ZNF709: variants seen among roughly 807,000 people sequenced by gnomAD.
The protein encoded by ZNF709 is zinc finger protein 709.
Under a neutral mutation model 10.6 loss-of-function variants are expected in ZNF709, and 15 were observed. The observed-to-expected ratio is 1.41, with a 90% CI of 0.95 to 2.18. ZNF709 has a LOEUF of 2.18. ZNF709 is among the 30% of genes most tolerant of loss of function. The pLI, the probability that ZNF709 is intolerant of heterozygous loss-of-function variation, is 0.00. For synonymous variants in ZNF709, 194 were observed against 238.8 expected, an observed-to-expected ratio of 0.81 and a Z score of 1.73; for missense variants, 589 against 774.0, an observed-to-expected ratio of 0.76 and a Z score of 2.84.
intron 1 of ZNF709, among the ~76,000 whole-genome samples, chr19:12,472,054 T>C (rs1457135843): frequency 6.6e-6 from 1 of 152,196 alleles, no homozygotes; most frequent in Non-Finnish European, 1.5e-5. Context: ...TCAGGCATGA[T>C]GGCTCACACT....
chr19:12,474,745 G>A (rs553842901), intron 1 of ZNF709, among the ~76,000 whole-genome samples: 64 of 152,206 alleles, frequency 4.2e-4, no homozygotes, highest in Non-Finnish European at 7.6e-4. Context: ...AAGAGAGTGG[G>A]ACAATACATT....
rs1440510363 is a variant in ZNF709, at chr19:12,465,578, G to T, written c.344C>A (p.Ser115Ter). The T allele has an allele frequency of 6.2e-7, 1 of 1,613,842 alleles. No individual in the cohort carries two copies. The highest frequency in any genetic ancestry group is 8.5e-7 in the Non-Finnish European group (1 of 1,179,964). ...SVCGKDYMCH[S>*]SLNRHMRSHT... is the part of the protein sequence containing the mutation. Reference sequence around the variant, plus strand: ...AGATCTCATGTGCCTATTAAGAGATGAATGACACATATAGTCCTTTCCACA... The same window carrying T: ...AGATCTCATGTGCCTATTAAGAGATTAATGACACATATAGTCCTTTCCACA... The change falls in exon 4 of 4, where the codon TCA becomes TAA. Residue 115 changes from serine (S) to a stop codon, truncating the protein, a stop_gained. Transcript: ENST00000397732. LOFTEE classifies it low-confidence loss of function (END_TRUNC).
At chr19:12,480,682 CA>C (rs373494664) in intron 1 of ZNF709, among the ~76,000 whole-genome samples, 7,411 of 125,564 alleles carry the variant, frequency 0.059, 179 homozygotes, top group Middle Eastern at 0.099. Context: ...GACTCCGTCT[CA>C]AAAAAAAAAA....
chr19:12,475,431 A>C (rs1025605502), intron 1 of ZNF709, among the ~76,000 whole-genome samples: 1 of 152,166 alleles, frequency 6.6e-6, no homozygotes, highest in African/African-American at 2.4e-5. Context: ...TGTATGGTTA[A>C]GCTAACTGAA....
intron 1 of ZNF709, among the ~76,000 whole-genome samples, chr19:12,472,963 T>C (rs1330667664): frequency 1.3e-5 from 2 of 152,006 alleles, no homozygotes; most frequent in Non-Finnish European, 2.9e-5. Flanking sequence ...ATTTCTTACA[T>C]ATTAGAAGGA....
At chr19:12,471,793 T>C (rs1416084105) in intron 1 of ZNF709, among the ~76,000 whole-genome samples, 1 of 152,200 alleles carries the variant, frequency 6.6e-6, no homozygotes, top group Non-Finnish European at 1.5e-5. Flanking sequence ...CCATAGACAA[T>C]AATCAATTTA....
chr19:12,465,698 T>C lies in ZNF709; in HGVS notation c.224A>G (p.Glu75Gly). 3 of 1,601,142 alleles carry C rather than the reference T, an allele frequency of 1.9e-6. No homozygotes were observed. Among genetic ancestry groups the C allele is most frequent in the Non-Finnish European group, 2.6e-6 (3 of 1,175,618 alleles). The change falls in exon 4 of 4, where the codon GAA becomes GGA. Residue 75 changes from glutamate to glycine, a missense_variant. By Grantham distance (98) the Glu-to-Gly change is moderately conservative. Coordinates refer to ENST00000397732, the MANE Select transcript of ZNF709 (RefSeq NM_152601.4). ...GATGGTTTCTCCAAACTGACTACCT[T>C]CTTTCCTTTCACAGAGCCTCTCTAC... Reference protein sequence around the residue: ...HMVERLCERKEGSQFGETISQ... With the variant: ...HMVERLCERKGGSQFGETISQ...
Position 12,465,040 on chromosome 19 carries a change from G to T in ZNF709, c.882C>A (p.Ser294=). The change falls in exon 4 of 4, where the codon TCC becomes TCA. Residue 294 remains serine (S), a synonymous_variant. Transcript: ENST00000397732. ...QCGKALSCPT[S]FRSHERIHTG... is the part of the protein sequence containing the mutation. ...TGTGAATCCTTTCATGACTTCGAAA[G>T]GATGTGGGACAACTAAGAGCTTTAC... 2 of 1,612,430 alleles carry T rather than the reference G, an allele frequency of 1.2e-6. No individual in the cohort carries two copies. Among genetic ancestry groups the T allele is most frequent in the Non-Finnish European group, 1.7e-6 (2 of 1,179,504 alleles).
At chr19:12,478,582 C>T (rs921766536) in intron 1 of ZNF709, among the ~76,000 whole-genome samples, 4 of 152,212 alleles carry the variant, frequency 2.6e-5, no homozygotes, top group African/African-American at 7.2e-5. Flanking sequence ...ATTCCTGTGT[C>T]GTTCCAATGT....
At chr19:12,481,504 C>T (rs371619508) in intron 1 of ZNF709, among the ~76,000 whole-genome samples, 2 of 152,106 alleles carry the variant, frequency 1.3e-5, no homozygotes, top group East Asian at 1.9e-4. Context: ...CCTCCCAAAG[C>T]GCTGAAATTA....
At chr19:12,469,494 C>A (rs929314025) in intron 1 of ZNF709, among the ~76,000 whole-genome samples, 4 of 151,996 alleles carry the variant, frequency 2.6e-5, no homozygotes, top group African/African-American at 7.2e-5. Flanking sequence ...CTTCACCAGG[C>A]GCGGTTGCTC....
chr19:12,474,498 T>C (rs977836998), intron 1 of ZNF709, among the ~76,000 whole-genome samples: 20 of 152,354 alleles, frequency 1.3e-4, no homozygotes, highest in African/African-American at 4.6e-4. Flanking sequence ...GGAGTGCACA[T>C]ATCTCTTCAA....
chr19:12,464,112 G>T lies in ZNF709; in HGVS notation c.1810C>A (p.Arg604=). The change falls in exon 4 of 4, where the codon CGA becomes AGA. Residue 604 remains arginine (R), a synonymous_variant. Transcript: ENST00000397732. ...CCAGTGTGAGTTCGTTCATGGATTCGAAAGGAACGTGAGCAACTGAAGGCT... is the reference window on the plus strand; with the variant it reads ...CCAGTGTGAGTTCGTTCATGGATTCTAAAGGAACGTGAGCAACTGAAGGCT... The part of the protein sequence containing the change: ...DKAFSCSRSF[R]IHERTHTGEK... The T allele has an allele frequency of 6.4e-7, 1 of 1,562,880 alleles. No individual in the cohort carries two copies. Among genetic ancestry groups the T allele is most frequent in the Non-Finnish European group, 8.6e-7 (1 of 1,159,742 alleles).
chr19:12,484,549 C>T, intron 1 of ZNF709, 106 bp downstream of exon 1: 8 of 1,513,170 alleles, frequency 5.3e-6, no homozygotes, highest in Non-Finnish European at 7.3e-6. Context: ...GGTCCACAGA[C>T]CCGGGAGACA....
At chr19:12,467,126 C>T (rs1970577858) in intron 1 of ZNF709, among the ~76,000 whole-genome samples, 1 of 152,142 alleles carries the variant, frequency 6.6e-6, no homozygotes, top group African/African-American at 2.4e-5. Flanking sequence ...ACGATACTCT[C>T]CCTCTCCCTC....
Position 12,484,715 on chromosome 19 carries a change from T to C in ZNF709, c.-58A>G. The stretch of plus-strand genomic sequence containing the variant: ...TTACCTCTCCCGCGGCCAGCACAGG[T>C]CCTACCTCCACCTGAGGCCCTTCCT... On this transcript the variant is annotated 5_prime_UTR_variant, in exon 1 of 4. Transcript: ENST00000397732. 6.2e-7 allele frequency: 1 copy of C among 1,613,152 alleles called. No homozygotes were observed. Among genetic ancestry groups the C allele is most frequent in the Non-Finnish European group, 8.5e-7 (1 of 1,179,302 alleles).
chr19:12,464,071 T>C lies in ZNF709; in HGVS notation c.1851A>G (p.Ala617=). 1 of 1,551,108 alleles carries C rather than the reference T, an allele frequency of 6.4e-7. No homozygotes were observed. The highest frequency in any genetic ancestry group is 8.7e-7 in the Non-Finnish European group (1 of 1,154,824). ...TGAAGGCTTTACCACATTGTTGACA[T>C]GCATAGGGTTTCTCTCCAGTGTGAG... ...ERTHTGEKPY[A]CQQCGKAFKC... Residue 617 remains alanine (A), a synonymous_variant, in exon 4 of 4, where the codon GCA becomes GCG. Transcript: ENST00000397732.
Position 12,464,900 on chromosome 19 carries a change from C to T in ZNF709, c.1022G>A (p.Cys341Tyr), listed in dbSNP as rs1970554520. The T allele has an allele frequency of 1.2e-6, 2 of 1,613,810 alleles. No homozygotes were observed. Among genetic ancestry groups the T allele is most frequent in the Non-Finnish European group, 1.7e-6 (2 of 1,179,876 alleles). ...TGEKPYDCKE[C>Y]GKAFISLPSY... The stretch of plus-strand genomic sequence containing the variant: ...TGGAAGAGAAATGAATGCTTTCCCA[C>T]ATTCCTTACAATCATAGGGTTTCTC... Residue 341 changes from cysteine to tyrosine, a missense_variant, in exon 4 of 4, where the codon TGT (cysteine) becomes TAT (tyrosine). By Grantham distance (194) the Cys-to-Tyr change is radical. Transcript: ENST00000397732.
chr19:12,478,270 A>G (rs564424871), intron 1 of ZNF709, among the ~76,000 whole-genome samples: 1 of 152,306 alleles, frequency 6.6e-6, no homozygotes, highest in Non-Finnish European at 1.5e-5. Context: ...ACACACAGAT[A>G]AGTCCAGGCC....
Sources: gnomAD v4.1 joint callset for allele counts (sites outside exome capture counted in the v4.1 genomes callset) on GRCh38, gnomAD v4.1.1 for gene constraint, MANE v1.5 for transcripts, NCBI Gene and HGNC (gene_info 2026-07-23, HGNC 2026-07-21) for gene names.